Variants in MYH11 observed in about 807,000 individuals in gnomAD.
MYH11 encodes the protein myosin heavy chain 11.
MYH11 carries 80 observed loss-of-function variants against 246.6 expected under a neutral mutation model. The observed-to-expected ratio is 0.32, with a 90% CI of 0.27 to 0.39. The LOEUF is 0.39. MYH11 is among the 10% of genes least tolerant of loss of function. The pLI is 1.00. For synonymous variants in MYH11, 1,071 were observed against 1,015.5 expected (o/e 1.05, Z -1.04); for missense variants, 2,158 against 2,546.8 (o/e 0.85, Z 3.29).
At chr16:15,707,494 TAGG>T (rs1483721700) in intron 40 of MYH11, among the ~76,000 whole-genome samples, 5 of 152,160 alleles carry the variant, frequency 3.3e-5, no homozygotes, top group Non-Finnish European at 7.4e-5. Flanking sequence ...AATCAGCTGG[TAGG>T]AGAGCTGCTT....
chr16:15,836,912 A>G (rs2043913160), intron 2 of MYH11, among the ~76,000 whole-genome samples: 1 of 151,502 alleles, frequency 6.6e-6, no homozygotes. Flanking sequence ...TTTAGTAGAG[A>G]CAGGGTTTCA....
In MYH11 at chr16:15,714,519, A is replaced by AGC. The variant is rs577466373; in HGVS notation, c.5786+388_5786+389dup. Reference sequence around the variant, plus strand: ...GCAGTGCTGAGGGGGAGAAAGGAGGAGCAGAGCATGTCAGGAAGGAGGTGA... The same window carrying AGC: ...GCAGTGCTGAGGGGGAGAAAGGAGGAGCGCAGAGCATGTCAGGAAGGAGGTGA... On this transcript the variant is annotated intron_variant, in intron 40 of 40. Coordinates refer to ENST00000300036, the MANE Select transcript of MYH11 (RefSeq NM_002474.3). The AGC allele has an allele frequency of 3.9e-3, 1,368 of 349,712 alleles. 8 individuals are homozygous for AGC. Among genetic ancestry groups the AGC allele is most frequent in the Admixed American group, 7.3e-3 (174 of 23,744 alleles). 21.7% of individuals were successfully genotyped at this position (349,712 alleles called of 1,614,324 possible).
intron 31 of MYH11, among the ~76,000 whole-genome samples, chr16:15,721,902 G>C (rs1596722795): frequency 6.6e-6 from 1 of 152,122 alleles, no homozygotes; most frequent in African/African-American, 2.4e-5. Context: ...TTGTCACCCA[G>C]GCTGGAGTGC....
chr16:15,735,246 G>T, intron 26 of MYH11, 120 bp downstream of exon 26: 2 of 1,086,342 alleles, frequency 1.8e-6, no homozygotes, highest in Admixed American at 1.8e-5. Flanking sequence ...AGCAAACCGC[G>T]GCCAGGAAGG....
At chr16:15,773,290 A>ATTTGT (rs2042147959) in intron 8 of MYH11, among the ~76,000 whole-genome samples, 1 of 128,666 alleles carries the variant, frequency 7.8e-6, no homozygotes. Flanking sequence ...TCCTCCAGCT[A>ATTTGT]TTTTTTTTTT....
At chr16:15,778,659 T>G in intron 7 of MYH11, 121 bp downstream of exon 7, 1 of 1,011,182 alleles carries the variant, frequency 9.9e-7, no homozygotes, top group Non-Finnish European at 1.6e-6. Context: ...GGGAGATTTG[T>G]TCTGGAAGAA....
intron 36 of MYH11, 144 bp from the exon 37 acceptor site, chr16:15,718,582 G>C: frequency 5.6e-6 from 7 of 1,251,692 alleles, no homozygotes; most frequent in South Asian, 4.6e-5. Flanking sequence ...AGACTCATCT[G>C]TAGTTACACA....
intron 20 of MYH11, among the ~76,000 whole-genome samples, chr16:15,744,653 C>T (rs2041367543): frequency 6.6e-6 from 1 of 152,044 alleles, no homozygotes; most frequent in African/African-American, 2.4e-5. Flanking sequence ...CAGGTGCCTG[C>T]CACCATACCC....
chr16:15,806,956 C>CG (rs2043028341), intron 3 of MYH11, among the ~76,000 whole-genome samples: 1 of 149,886 alleles, frequency 6.7e-6, no homozygotes. Flanking sequence ...ATAAGATCTG[C>CG]TTTTTTTTTT....
chr16:15,852,190 A>C (rs1422844544), intron 1 of MYH11, among the ~76,000 whole-genome samples: 3 of 152,150 alleles, frequency 2.0e-5, no homozygotes, highest in Admixed American at 6.6e-5. Flanking sequence ...CCAATGCCTG[A>C]TGATGAGGTG....
chr16:15,739,561 G>C (rs981769910), intron 23 of MYH11, among the ~76,000 whole-genome samples: 1 of 152,154 alleles, frequency 6.6e-6, no homozygotes. Flanking sequence ...TCACAGTAGG[G>C]GCCAAGCTGA....
At chr16:15,771,095 A>G (rs1316164141) in intron 9 of MYH11, among the ~76,000 whole-genome samples, 2 of 151,934 alleles carry the variant, frequency 1.3e-5, no homozygotes, top group Non-Finnish European at 2.9e-5. Flanking sequence ...TCCGGGTTCA[A>G]GCAATCCTCC....
chr16:15,718,476 C>G (rs1190618442), intron 36 of MYH11, 38 bp from the exon 37 acceptor site: 1 of 1,538,092 alleles, frequency 6.5e-7, no homozygotes, highest in Admixed American at 2.0e-5. Flanking sequence ...CCTCTACCCT[C>G]CCCCGCCTTA....
intron 17 of MYH11, 48 bp downstream of exon 17, chr16:15,747,999 C>G (rs2041466197): frequency 6.2e-7 from 1 of 1,614,196 alleles, no homozygotes; most frequent in East Asian, 2.2e-5. Context: ...TTCCTCCACC[C>G]AGTCCCGCTC....
At chr16:15,732,364 T>G in intron 27 of MYH11, 200 bp downstream of exon 27, 1 of 745,328 alleles carries the variant, frequency 1.3e-6, no homozygotes. Context: ...CCTCCCCAAG[T>G]ACTGGGATTA....
intron 3 of MYH11, among the ~76,000 whole-genome samples, chr16:15,805,794 T>C (rs1217323194): frequency 6.6e-6 from 1 of 151,914 alleles, no homozygotes; most frequent in African/African-American, 2.4e-5. Flanking sequence ...ACAATCCCTG[T>C]GGTCTCAGCT....
rs757497342 is a variant in MYH11, at chr16:15,735,577, G to T, written c.3295C>A (p.Leu1099Ile). ...TTCTTCTGAGCGATTTCATCGTCAA[G>T]CCTTCCAGGGAGAGACCCAGCAGAA... ...EEELQAALAR[L>I]DDEIAQKNNA... The change falls in exon 26 of 41, where the codon CTT becomes ATT. Residue 1099 changes from leucine to isoleucine, a missense_variant and splice_region_variant. Transcript: ENST00000300036. 4 of 1,614,182 alleles carry T rather than the reference G, an allele frequency of 2.5e-6. No homozygotes were observed. The highest frequency in any genetic ancestry group is 3.4e-6 in the Non-Finnish European group (4 of 1,180,034).
At chr16:15,718,476 C>A in intron 36 of MYH11, 38 bp from the exon 37 acceptor site, 1 of 1,538,092 alleles carries the variant, frequency 6.5e-7, no homozygotes, top group Non-Finnish European at 8.7e-7. Context: ...CCTCTACCCT[C>A]CCCCGCCTTA....
At chr16:15,712,083 G>C (rs1218842381) in intron 40 of MYH11, among the ~76,000 whole-genome samples, 1 of 152,192 alleles carries the variant, frequency 6.6e-6, no homozygotes, top group African/African-American at 2.4e-5. Flanking sequence ...AGGACCACGA[G>C]GTTTGTGATG....
Sources: allele counts gnomAD v4.1 joint callset (sites outside exome capture counted in the v4.1 genomes callset), GRCh38; gene constraint gnomAD v4.1.1; transcripts MANE v1.5; gene names NCBI Gene and HGNC (gene_info 2026-07-23, HGNC 2026-07-21).